Variants in SLCO5A1 observed in about 807,000 individuals in gnomAD.
SLCO5A1 encodes the protein solute carrier organic anion transporter family member 5A1, also known as organic anion transporter polypeptide-related protein 4.
In SLCO5A1, 39 loss-of-function variants were observed where a neutral mutation model predicts 65.1. The ratio of observed to expected loss-of-function variants is 0.60; its 90% confidence interval spans 0.46 to 0.78. The LOEUF is 0.78. Among genes scored for constraint, SLCO5A1 ranks in the 30% least tolerant of loss-of-function variants. The probability of loss-of-function intolerance (pLI) is 0.00; values close to 1 mark genes in which losing one functional copy is unlikely to be tolerated. For synonymous variants in SLCO5A1, 438 were observed against 415.7 expected (o/e 1.05, Z -0.65); for missense variants, 1,029 against 1,069.4 (o/e 0.96, Z 0.53).
intron 6 of SLCO5A1, among the ~76,000 whole-genome samples, chr8:69,702,942 CTACAAAAAA>C (rs1814808193): frequency 6.6e-6 from 1 of 151,462 alleles, no homozygotes. Context: ...GACCTCGTCT[CTACAAAAAA>C]TACAAAAAAT....
At chr8:69,802,020 G>A (rs1819763585) in intron 2 of SLCO5A1, among the ~76,000 whole-genome samples, 1 of 152,160 alleles carries the variant, frequency 6.6e-6, no homozygotes, top group Non-Finnish European at 1.5e-5. Flanking sequence ...TAGAGAATGA[G>A]AGAGTAGGAC....
chr8:69,709,728 TAGAA>T (rs1400835264), intron 5 of SLCO5A1, among the ~76,000 whole-genome samples: 2 of 152,154 alleles, frequency 1.3e-5, no homozygotes, highest in East Asian at 3.9e-4. Flanking sequence ...AACCACCTCT[TAGAA>T]GGAAGAGATA....
intron 2 of SLCO5A1, among the ~76,000 whole-genome samples, chr8:69,791,033 A>G (rs1393985897): frequency 6.6e-6 from 1 of 152,162 alleles, no homozygotes; most frequent in Non-Finnish European, 1.5e-5. Context: ...GAAAGGAGGG[A>G]GGAATGGAGG....
At chr8:69,677,150 G>A in intron 8 of SLCO5A1, among the ~76,000 whole-genome samples, 1 of 152,084 alleles carries the variant, frequency 6.6e-6, no homozygotes, top group Admixed American at 6.5e-5. Flanking sequence ...GAAGAGTAAA[G>A]AATAAAAGTA....
intron 2 of SLCO5A1, among the ~76,000 whole-genome samples, chr8:69,818,644 A>T (rs1820504265): frequency 6.6e-6 from 1 of 152,212 alleles, no homozygotes; most frequent in African/African-American, 2.4e-5. Flanking sequence ...TGTCTTTTCC[A>T]CAGTGAGGCA....
At chr8:69,751,070 G>C (rs1435005014) in intron 4 of SLCO5A1, among the ~76,000 whole-genome samples, 1 of 152,160 alleles carries the variant, frequency 6.6e-6, no homozygotes, top group Non-Finnish European at 1.5e-5. Context: ...TCCTAGCAGA[G>C]AAATCTCTGT....
At chr8:69,789,292 C>T (rs960961736) in intron 2 of SLCO5A1, among the ~76,000 whole-genome samples, 6 of 152,144 alleles carry the variant, frequency 3.9e-5, no homozygotes. Flanking sequence ...CCCATACTGT[C>T]CCAAAAATCA....
At chr8:69,728,835 C>T (rs1028739868) in intron 5 of SLCO5A1, among the ~76,000 whole-genome samples, 1 of 151,972 alleles carries the variant, frequency 6.6e-6, no homozygotes, top group African/African-American at 2.4e-5. Context: ...ATTTGAAGTG[C>T]AAACATCAGT....
intron 6 of SLCO5A1, among the ~76,000 whole-genome samples, chr8:69,685,649 A>G (rs1813971102): frequency 6.6e-6 from 1 of 152,152 alleles, no homozygotes. Flanking sequence ...TATAAAAATC[A>G]TGGAATTACA....
At chr8:69,709,769 T>C (rs1163083933) in intron 5 of SLCO5A1, among the ~76,000 whole-genome samples, 1 of 152,080 alleles carries the variant, frequency 6.6e-6, no homozygotes, top group Non-Finnish European at 1.5e-5. Context: ...TGGCCAAGGG[T>C]TGGAAAAACC....
At chr8:69,822,583 G>A (rs958316001) in intron 2 of SLCO5A1, among the ~76,000 whole-genome samples, 4 of 152,010 alleles carry the variant, frequency 2.6e-5, no homozygotes, top group African/African-American at 9.7e-5. Context: ...TTTCATACTT[G>A]GAAAGAGCAA....
chr8:69,724,558 C>G (rs376216217), intron 5 of SLCO5A1, among the ~76,000 whole-genome samples: 2 of 152,132 alleles, frequency 1.3e-5, no homozygotes, highest in East Asian at 3.8e-4. Context: ...TGGAAAGATG[C>G]CTCACCAGGA....
chr8:69,675,282 C>T (rs529126917), intron 9 of SLCO5A1, among the ~76,000 whole-genome samples: 1 of 151,508 alleles, frequency 6.6e-6, no homozygotes. Context: ...TCAAGCAATT[C>T]CCCTGCCTTA....
intron 2 of SLCO5A1, among the ~76,000 whole-genome samples, chr8:69,824,977 G>C (rs1164374927): frequency 6.6e-6 from 1 of 151,886 alleles, no homozygotes; most frequent in East Asian, 1.9e-4. Flanking sequence ...TTCAATATAC[G>C]CAAATCAATA....
At chr8:69,803,273 T>C (rs1007097821) in intron 2 of SLCO5A1, among the ~76,000 whole-genome samples, 2 of 152,100 alleles carry the variant, frequency 1.3e-5, no homozygotes, top group Admixed American at 6.6e-5. Context: ...AAAAATTTTC[T>C]GGGCATGGTG....
chr8:69,693,767 T>C (rs552583788), intron 6 of SLCO5A1, among the ~76,000 whole-genome samples: 16 of 152,266 alleles, frequency 1.1e-4, no homozygotes, highest in Non-Finnish European at 8.8e-5. Context: ...AAGAGATGAG[T>C]ACTATAATTG....
At chr8:69,818,288 G>T (rs1473058950) in intron 2 of SLCO5A1, among the ~76,000 whole-genome samples, 1 of 152,188 alleles carries the variant, frequency 6.6e-6, no homozygotes, top group Admixed American at 6.5e-5. Flanking sequence ...GAGACTTCTT[G>T]CCACTGAAAA....
chr8:69,784,920 A>AAGAAAGAAAG (rs1411098503), intron 2 of SLCO5A1, among the ~76,000 whole-genome samples: 1 of 139,208 alleles, frequency 7.2e-6, no homozygotes, highest in Admixed American at 6.9e-5. Context: ...GAAAGAAAGA[A>AAGAAAGAAAG]AGAAAGAAAG....
At chr8:69,729,822 A>G (rs1204108303) in intron 5 of SLCO5A1, among the ~76,000 whole-genome samples, 1 of 152,164 alleles carries the variant, frequency 6.6e-6, no homozygotes, top group Non-Finnish European at 1.5e-5. Context: ...TATGATCAAG[A>G]TGAAAATAGT....
Sources: gnomAD v4.1 joint callset for allele counts (sites outside exome capture counted in the v4.1 genomes callset) on GRCh38, gnomAD v4.1.1 for gene constraint, MANE v1.5 for transcripts, NCBI Gene and HGNC (gene_info 2026-07-23, HGNC 2026-07-21) for gene names.